Variants in CELF2 observed in about 807,000 individuals in gnomAD.
CELF2 encodes CUG triplet repeat RNA-binding protein 2.
A neutral mutation model predicts 62.6 loss-of-function variants in CELF2; 8 were observed. The observed-to-expected ratio is 0.13, with a 90% CI of 0.07 to 0.23. The LOEUF is 0.23. Among genes scored for constraint, CELF2 ranks in the 10% least tolerant of loss-of-function variants. The probability of loss-of-function intolerance (pLI) is 1.00; values close to 1 mark genes in which losing one functional copy is unlikely to be tolerated. For missense variants in CELF2, 333 were observed against 671.0 expected (o/e 0.50, Z 5.56); for synonymous variants, 258 against 250.0 (o/e 1.03, Z -0.30).
chr10:10,516,199 T>A, the CELF2 span, among the ~76,000 whole-genome samples: 92 of 152,148 alleles, frequency 6.0e-4, 2 homozygotes, highest in Admixed American at 6.0e-3. Context: ...AATCTTAAAA[T>A]ACCAGACTAG....
chr10:10,587,916 G>T, the CELF2 span, among the ~76,000 whole-genome samples: 2 of 152,010 alleles, frequency 1.3e-5, no homozygotes, highest in Non-Finnish European at 2.9e-5. Context: ...CCGCAGATTT[G>T]GGAAAAGGTT....
At chr10:10,653,125 A>T in the CELF2 span, among the ~76,000 whole-genome samples, 1 of 152,228 alleles carries the variant, frequency 6.6e-6, no homozygotes, top group Non-Finnish European at 1.5e-5. Context: ...AAAGAAGGCC[A>T]CTACATAATG....
chr10:11,197,024 GAA>G (rs372325767), intron 2 of CELF2, among the ~76,000 whole-genome samples: 1 of 4,722 alleles, frequency 2.1e-4, no homozygotes, highest in African/African-American at 4.0e-4. Flanking sequence ...AAGAAAGAAA[GAA>G]AAGAAAGAAA....
the CELF2 span, among the ~76,000 whole-genome samples, chr10:10,623,369 A>G: frequency 1.3e-5 from 2 of 152,334 alleles, no homozygotes; most frequent in African/African-American, 2.4e-5. Context: ...CAGAATTATC[A>G]TTTAATTTAC....
chr10:10,759,313 T>C, the CELF2 span, among the ~76,000 whole-genome samples: 15,074 of 138,706 alleles, frequency 0.11, 1,237 homozygotes, highest in East Asian at 0.28. Flanking sequence ...TTTTTTTTTT[T>C]TTTTTTTTTT....
chr10:10,857,318 A>T lies in CELF2; in HGVS notation c.53+58501A>T, dbSNP rs570492579. Among the ~76,000 whole-genome samples, 5 of 152,144 alleles carry T rather than the reference A, an allele frequency of 3.3e-5. No individual in the cohort carries two copies. The East Asian group carries it at 7.8e-4, about 24-fold the overall frequency. ...TGGGAGATGTTTCATTTCCAACCAG[A>T]TGCAGTGAAAAGACCTTGTCAAACA... On this transcript the variant is annotated intron_variant, in intron 1 of 13. Coordinates refer to the CELF2 transcript ENST00000636488.
the CELF2 span, among the ~76,000 whole-genome samples, chr10:10,745,037 T>C: frequency 2.6e-5 from 4 of 151,986 alleles, no homozygotes; most frequent in African/African-American, 9.7e-5. Context: ...TATGAGTTTA[T>C]TCCTGCCGGA....
intron 1 of CELF2, among the ~76,000 whole-genome samples, chr10:11,018,564 G>A (rs1463034976): frequency 6.6e-6 from 1 of 150,800 alleles, no homozygotes; most frequent in Non-Finnish European, 1.5e-5. Context: ...TCCGGGCGGG[G>A]TCCATGAGTC....
chr10:11,138,995 A>G (rs2060871880), intron 1 of CELF2, among the ~76,000 whole-genome samples: 1 of 152,226 alleles, frequency 6.6e-6, no homozygotes, highest in Non-Finnish European at 1.5e-5. Flanking sequence ...TATGGCAATT[A>G]TATTTATTCT....
chr10:10,826,498 T>C (rs986278305), intron 1 of CELF2, among the ~76,000 whole-genome samples: 1 of 152,234 alleles, frequency 6.6e-6, no homozygotes, highest in African/African-American at 2.4e-5. Context: ...GCATGGGCTA[T>C]GCTTATGCTA....
intron 1 of CELF2, among the ~76,000 whole-genome samples, chr10:11,104,181 A>AT (rs947320688): frequency 2.0e-5 from 3 of 152,180 alleles, no homozygotes; most frequent in African/African-American, 7.2e-5. Context: ...GAGGAAGGTA[A>AT]TTTTTAAAGA....
Position 11,300,258 on chromosome 10 carries a change from C to A in CELF2, c.976+11706C>A, listed in dbSNP as rs1391427384. On this transcript the variant is annotated intron_variant, in intron 9 of 12. Transcript: ENST00000633077. This position sits in a 1 kb window ranked among gnomAD's most constrained non-coding sequence, Gnocchi z 5.5. ...CACTTCCCCGCCTTCCACATGTGTG[C>A]CACCGTACAATAAAGCCTCAGCAGT... Among the ~76,000 whole-genome samples, 1 of 152,198 alleles carries A rather than the reference C, an allele frequency of 6.6e-6. No homozygotes were observed. Among genetic ancestry groups the A allele is most frequent in the Non-Finnish European group, 1.5e-5 (1 of 68,034 alleles).
intron 12 of CELF2, among the ~76,000 whole-genome samples, chr10:11,327,951 T>G (rs1369572605): frequency 6.6e-6 from 1 of 152,216 alleles, no homozygotes; most frequent in African/African-American, 2.4e-5. Context: ...GGACCATAGC[T>G]TCCTGTCACC....
the CELF2 span, among the ~76,000 whole-genome samples, chr10:10,775,822 T>C: frequency 6.6e-6 from 1 of 152,246 alleles, no homozygotes; most frequent in Non-Finnish European, 1.5e-5. Context: ...CATGTACGTC[T>C]GCTTTAACTG....
chr10:11,175,755 A>C (rs763579940), intron 2 of CELF2, among the ~76,000 whole-genome samples: 2 of 152,166 alleles, frequency 1.3e-5, no homozygotes, highest in Admixed American at 6.5e-5. Context: ...GAAACGATGA[A>C]AAATGTGGTG....
intron 1 of CELF2, among the ~76,000 whole-genome samples, chr10:11,022,822 A>G (rs986897706): frequency 6.6e-6 from 1 of 152,228 alleles, no homozygotes; most frequent in Non-Finnish European, 1.5e-5. Flanking sequence ...TTATATGTAG[A>G]TTATAATGGG....
chr10:11,182,108 T>C (rs150077391), intron 2 of CELF2, among the ~76,000 whole-genome samples: 363 of 152,378 alleles, frequency 2.4e-3, no homozygotes, highest in Non-Finnish European at 4.2e-3. Context: ...TGGAGTCTCT[T>C]GCCAGCAAGG....
intron 1 of CELF2, among the ~76,000 whole-genome samples, chr10:10,912,907 C>T (rs934679034): frequency 2.1e-4 from 32 of 152,266 alleles, no homozygotes; most frequent in African/African-American, 5.3e-4. Flanking sequence ...TCATTTTTCT[C>T]GTCCTAACCA....
At chr10:11,221,631 G>A (rs2064911535) in intron 3 of CELF2, among the ~76,000 whole-genome samples, 1 of 152,126 alleles carries the variant, frequency 6.6e-6, no homozygotes, top group African/African-American at 2.4e-5. Context: ...ATTTAATTAA[G>A]GATGTAATAA....
Sources: gnomAD v4.1 joint callset for allele counts (sites outside exome capture counted in the v4.1 genomes callset) on GRCh38, gnomAD v4.1.1 for gene constraint, Gnocchi (gnomAD v3.1) non-coding constraint, MANE v1.5 for transcripts, NCBI Gene and HGNC (gene_info 2026-07-23, HGNC 2026-07-21) for gene names.